The following FHIT variants were observed in gnomAD, a reference collection of about 807,000 sequenced individuals.
FHIT encodes fragile histidine triad diadenosine triphosphatase, also known as bis(5'-adenosyl)-triphosphatase.
FHIT carries 19 observed loss-of-function variants against 17.9 expected under a neutral mutation model. The observed-to-expected ratio is 1.06, with a 90% confidence interval of 0.74 to 1.56. FHIT has a LOEUF of 1.56. Ranked by LOEUF, FHIT falls within the 40% of genes most tolerant of loss-of-function variation. The probability of loss-of-function intolerance (pLI) is 0.00; values close to 1 mark genes in which losing one functional copy is unlikely to be tolerated. For synonymous variants in FHIT, 81 were observed against 69.7 expected (o/e 1.16, Z -0.81); for missense variants, 248 against 189.2 (o/e 1.31, Z -1.82).
At position 60,163,238 on chromosome 3, in the gene FHIT, C is replaced by T. The variant is rs536049534; in HGVS notation, c.104-149086G>A. 9.9e-5 allele frequency among the ~76,000 whole-genome samples: 15 copies of T among 152,250 alleles called. No individual in the cohort carries two copies. The South Asian group carries it at 2.9e-3, about 29-fold the overall frequency. ...CTAAGAAACAGAGCACAGATTCAAG[C>T]CCAGTTGTATCTGCCTCCAAAATGA... On this transcript the variant is annotated intron_variant, in intron 5 of 9. Coordinates refer to ENST00000492590, the MANE Select transcript of FHIT (RefSeq NM_002012.4).
intron 5 of FHIT, among the ~76,000 whole-genome samples, chr3:60,516,920 C>T (rs571135398): frequency 6.6e-6 from 1 of 152,254 alleles, no homozygotes; most frequent in Non-Finnish European, 1.5e-5. Flanking sequence ...GAGATACAAA[C>T]TTCGACTTCA....
intron 4 of FHIT, among the ~76,000 whole-genome samples, chr3:60,569,755 A>ATATATATATTTTTTTT: frequency 1.8e-4 from 14 of 77,334 alleles, no homozygotes; most frequent in East Asian, 5.3e-4. Context: ...ATATATATAT[A>ATATATATATTTTTTTT]TTTTTTTTTT....
intron 5 of FHIT, among the ~76,000 whole-genome samples, chr3:60,091,412 G>C (rs1703724838): frequency 6.6e-6 from 1 of 152,208 alleles, no homozygotes; most frequent in African/African-American, 2.4e-5. Flanking sequence ...CTAGAGAACA[G>C]ATGGCTGCCA....
chr3:60,111,842 G>T (rs1164837940), intron 5 of FHIT, among the ~76,000 whole-genome samples: 1 of 152,148 alleles, frequency 6.6e-6, no homozygotes, highest in Admixed American at 6.5e-5. Flanking sequence ...GGCCTCCCAG[G>T]CATCTCCCCA....
intron 4 of FHIT, among the ~76,000 whole-genome samples, chr3:60,680,553 A>G (rs2040722157): frequency 1.0e-5 from 1 of 97,980 alleles, no homozygotes; most frequent in Non-Finnish European, 2.0e-5. Flanking sequence ...TCCAAATTTC[A>G]TCATCTATTT....
Position 61,119,934 on chromosome 3 carries a change from C to T in FHIT, c.-163-77835G>A, listed in dbSNP as rs553575480. 6.6e-5 allele frequency among the ~76,000 whole-genome samples: 10 copies of T among 152,310 alleles called. No individual in the cohort carries two copies. The East Asian group carries it at 1.2e-3, about 18-fold the overall frequency. ...CTTTTCTGAATCTCCAGCTTGCAGA[C>T]GGCAGATCATGGGACTTCTCCACCT... is the stretch of plus-strand genomic sequence containing the variant. On this transcript the variant is annotated intron_variant, in intron 2 of 9. Transcript: ENST00000492590.
At chr3:60,865,789 C>G (rs1457701192) in intron 3 of FHIT, among the ~76,000 whole-genome samples, 1 of 152,162 alleles carries the variant, frequency 6.6e-6, no homozygotes, top group Non-Finnish European at 1.5e-5. Flanking sequence ...GGCACAACAT[C>G]TTTTCAGGGT....
intron 5 of FHIT, among the ~76,000 whole-genome samples, chr3:60,444,112 A>G (rs934839022): frequency 6.6e-6 from 1 of 152,244 alleles, no homozygotes; most frequent in African/African-American, 2.4e-5. Context: ...ATCACTTGCC[A>G]TCAGAGAAAT....
At chr3:59,765,957 A>T (rs1461080545) in intron 8 of FHIT, among the ~76,000 whole-genome samples, 7 of 152,186 alleles carry the variant, frequency 4.6e-5, no homozygotes, top group Middle Eastern at 3.2e-3. Flanking sequence ...ATATTAGTTT[A>T]AAAAAATTCC....
At chr3:61,250,562 G>A (rs1407716819) in intron 1 of FHIT, among the ~76,000 whole-genome samples, 1 of 152,196 alleles carries the variant, frequency 6.6e-6, no homozygotes, top group Non-Finnish European at 1.5e-5. Flanking sequence ...GTGAGTGGCT[G>A]TTCCAAGGTA....
At chr3:61,131,623 G>A (rs1424785820) in intron 2 of FHIT, among the ~76,000 whole-genome samples, 2 of 152,182 alleles carry the variant, frequency 1.3e-5, no homozygotes, top group African/African-American at 4.8e-5. Flanking sequence ...GCCCACTCTT[G>A]GCCCCAGGCC....
At chr3:59,990,925 G>C (rs1486187989) in intron 7 of FHIT, among the ~76,000 whole-genome samples, 1 of 84,234 alleles carries the variant, frequency 1.2e-5, no homozygotes, top group Non-Finnish European at 2.3e-5. Flanking sequence ...TAAACACATA[G>C]TAATGTGGAA....
chr3:60,566,064 A>G (rs1369418881), intron 4 of FHIT, among the ~76,000 whole-genome samples: 1 of 151,960 alleles, frequency 6.6e-6, no homozygotes, highest in African/African-American at 2.4e-5. Context: ...CATGTAGTTG[A>G]GTGGTTTTGA....
At chr3:60,205,937 T>A (rs1703151379) in intron 5 of FHIT, among the ~76,000 whole-genome samples, 1 of 150,474 alleles carries the variant, frequency 6.6e-6, no homozygotes, top group South Asian at 2.1e-4. Flanking sequence ...TGAAACCCCG[T>A]CTCTACTAAA....
intron 5 of FHIT, among the ~76,000 whole-genome samples, chr3:60,294,997 C>T (rs1016003345): frequency 3.9e-5 from 6 of 152,116 alleles, no homozygotes; most frequent in South Asian, 2.1e-4. Context: ...ATTTGTGTAA[C>T]GGTTTTTGTG....
At chr3:60,545,342 TTTTAC>T (rs1244440628) in intron 4 of FHIT, among the ~76,000 whole-genome samples, 2 of 152,202 alleles carry the variant, frequency 1.3e-5, no homozygotes, top group Non-Finnish European at 2.9e-5. Context: ...TATGAATTAT[TTTTAC>T]TTTATTACCA....
intron 4 of FHIT, among the ~76,000 whole-genome samples, chr3:60,550,687 A>C (rs2006807): frequency 0.38 from 58,293 of 151,438 alleles, 11,501 homozygotes; most frequent in African/African-American, 0.43. Context: ...TGTCTCCTAA[A>C]AAGATGTTCA....
At chr3:60,085,680 C>T (rs906516087) in intron 5 of FHIT, among the ~76,000 whole-genome samples, 4 of 152,156 alleles carry the variant, frequency 2.6e-5, no homozygotes, top group African/African-American at 4.8e-5. Context: ...TCAGAAGATA[C>T]ATCTCCAAAG....
chr3:61,217,821 G>T lies in FHIT; in HGVS notation c.-212-17156C>A, dbSNP rs2106808190. On this transcript the variant is annotated intron_variant, in intron 1 of 9. Transcript: ENST00000492590. ...GAATATCAAACAATAGATATCAAAG[G>T]TTTCTTATTATAATGCATTAAAGTT... Among the ~76,000 whole-genome samples, 5 of 152,226 alleles carry T rather than the reference G, an allele frequency of 3.3e-5. No homozygotes were observed. The South Asian group carries it at 1.0e-3, about 32-fold the overall frequency.
Sources: allele counts gnomAD v4.1 joint callset (sites outside exome capture counted in the v4.1 genomes callset), GRCh38; gene constraint gnomAD v4.1.1; transcripts MANE v1.5; gene names NCBI Gene and HGNC (gene_info 2026-07-23, HGNC 2026-07-21).